The following LRRK2 variants were observed in gnomAD, a reference collection of about 807,000 sequenced individuals.
LRRK2 encodes leucine rich repeat kinase 2.
LRRK2 carries 203 observed loss-of-function variants against 302.6 expected under a neutral mutation model. That is an observed-to-expected ratio of 0.67 (90% CI 0.60 to 0.75). The LOEUF is 0.75. Ranked by LOEUF, LRRK2 falls within the 30% of genes least tolerant of loss-of-function variation. The pLI is 0.00. For synonymous variants in LRRK2, 1,066 were observed against 1,031.9 expected (o/e 1.03, Z -0.63); for missense variants, 2,830 against 2,951.0 (o/e 0.96, Z 0.95).
At chr12:40,283,784 A>T in intron 18 of LRRK2, 91 bp from the exon 19 acceptor site, 1 of 1,110,742 alleles carries the variant, frequency 9.0e-7, no homozygotes, top group Non-Finnish European at 1.3e-6. Context: ...TTGGAGATGT[A>T]GAGAAAAATC....
At chr12:40,363,287 G>C in intron 47 of LRRK2, 115 bp from the exon 48 acceptor site, 1 of 867,222 alleles carries the variant, frequency 1.2e-6, no homozygotes, top group South Asian at 1.6e-5. Context: ...AGTCTAGCTT[G>C]TTTAGTTTTC....
intron 33 of LRRK2, among the ~76,000 whole-genome samples, chr12:40,316,683 A>C (rs1945233382): frequency 6.6e-6 from 1 of 152,068 alleles, no homozygotes; most frequent in Non-Finnish European, 1.5e-5. Flanking sequence ...AATGTTAGCT[A>C]ATTTTATATT....
chr12:40,275,825 G>C (rs1233540095), intron 16 of LRRK2, among the ~76,000 whole-genome samples: 1 of 151,952 alleles, frequency 6.6e-6, no homozygotes, highest in Non-Finnish European at 1.5e-5. Context: ...TTCCCAGGCT[G>C]GTCTCAAACT....
intron 49 of LRRK2, 194 bp downstream of exon 49, chr12:40,365,244 C>A (rs1349799802): frequency 1.4e-5 from 8 of 576,188 alleles, no homozygotes; most frequent in Non-Finnish European, 2.4e-5. Flanking sequence ...TGCTCTCAGT[C>A]CCACAAGAGA....
chr12:40,270,776 T>C (rs1943198235), intron 14 of LRRK2, among the ~76,000 whole-genome samples: 1 of 152,128 alleles, frequency 6.6e-6, no homozygotes, highest in Non-Finnish European at 1.5e-5. Flanking sequence ...TTTTCTTGAG[T>C]TGCATCTTTA....
chr12:40,364,787 A>G (rs1946826133), intron 48 of LRRK2, 55 bp from the exon 49 acceptor site: 8 of 1,261,868 alleles, frequency 6.3e-6, no homozygotes, highest in South Asian at 6.2e-5. Context: ...ATATGTAAAT[A>G]GCATTTATCT....
chr12:40,338,128 C>T (rs908176167), intron 40 of LRRK2, among the ~76,000 whole-genome samples: 4 of 152,038 alleles, frequency 2.6e-5, no homozygotes, highest in African/African-American at 9.6e-5. Context: ...GGAGAGTCAA[C>T]TTTGCTGTCT....
intron 13 of LRRK2, 74 bp downstream of exon 13, chr12:40,259,678 T>A: frequency 6.4e-7 from 1 of 1,567,496 alleles, no homozygotes; most frequent in Non-Finnish European, 8.8e-7. Context: ...AATAGCAATA[T>A]TCTAGGCAAA....
Position 40,257,396 on chromosome 12 carries a change from C to G in LRRK2, c.1418+19C>G, listed in dbSNP as rs946003936. 5 of 1,608,574 alleles carry G rather than the reference C, an allele frequency of 3.1e-6. No individual in the cohort carries two copies. The highest frequency in any genetic ancestry group is 4.3e-6 in the Non-Finnish European group (5 of 1,175,788). On this transcript the variant is annotated intron_variant, in intron 12 of 50. Coordinates refer to ENST00000298910, the MANE Select transcript of LRRK2 (RefSeq NM_198578.4). ...AAGGAAGGTAATATAGATTCATTAA[C>G]TTGTACAGAATATATCATATTGGGC...
At chr12:40,356,036 A>G (rs1461340283) in intron 45 of LRRK2, 79 bp from the exon 46 acceptor site, 5 of 857,532 alleles carry the variant, frequency 5.8e-6, no homozygotes, top group Non-Finnish European at 3.8e-6. Context: ...AAAGTTTAAT[A>G]AAGTGGAGGA....
At chr12:40,302,573 G>A (rs1944671073) in intron 25 of LRRK2, among the ~76,000 whole-genome samples, 1 of 152,058 alleles carries the variant, frequency 6.6e-6, no homozygotes, top group African/African-American at 2.4e-5. Context: ...TTAGCTTCCA[G>A]GTTAAAAGGT....
At chr12:40,290,906 C>A (rs1037495412) in intron 20 of LRRK2, among the ~76,000 whole-genome samples, 1 of 151,950 alleles carries the variant, frequency 6.6e-6, no homozygotes, top group African/African-American at 2.4e-5. Context: ...GTTTTTAGAA[C>A]CTTCTTATTT....
At chr12:40,248,468 G>T (rs1163306829) in intron 7 of LRRK2, among the ~76,000 whole-genome samples, 3 of 152,100 alleles carry the variant, frequency 2.0e-5, no homozygotes, top group Non-Finnish European at 4.4e-5. Flanking sequence ...TTCAGGTAAA[G>T]AATCTTTTTT....
At position 40,249,090 on chromosome 12, in the gene LRRK2, A is replaced by G. The variant is rs148043877; in HGVS notation, c.839-736A>G. Reference sequence around the variant, plus strand: ...TTTGTATCTCAGAGATCACTTAGTTACACTTATAGATGAATAGGAGTTTCA... The same window carrying G: ...TTTGTATCTCAGAGATCACTTAGTTGCACTTATAGATGAATAGGAGTTTCA... On this transcript the variant is annotated intron_variant, in intron 7 of 50. Coordinates refer to ENST00000298910, the MANE Select transcript of LRRK2 (RefSeq NM_198578.4). Among the ~76,000 whole-genome samples the G allele has an allele frequency of 3.7e-3, 568 of 152,288 alleles. 1 individual carries two copies. The highest frequency in any genetic ancestry group is 0.013 in the African/African-American group (548 of 41,556).
intron 3 of LRRK2, among the ~76,000 whole-genome samples, chr12:40,234,122 T>C (rs1225532210): frequency 6.6e-6 from 1 of 152,094 alleles, no homozygotes; most frequent in East Asian, 1.9e-4. Context: ...GCAGGGTGAT[T>C]AGGAGGAAGG....
rs1305069730 is a variant in LRRK2, at chr12:40,291,284, TG to T, written c.2690-2255del. Among the ~76,000 whole-genome samples, 10 of 130,540 alleles carry T rather than the reference TG, an allele frequency of 7.7e-5. No homozygotes were observed. In the South Asian group the frequency reaches 1.7e-3, roughly 22 times the overall value. 85.6% of individuals were successfully genotyped at this position (130,540 alleles called of 152,430 possible). A position where few individuals can be genotyped will look rare whatever the true frequency, so the allele number is the denominator to read the frequency against. On this transcript the variant is annotated intron_variant, in intron 20 of 50. Transcript: ENST00000298910. Reference sequence around the variant, plus strand: ...TCACACACCAGGGCCTGTTGTGGGGTGGGGGGAAGGGGGAGGGATAGCATTA... The same window carrying T: ...TCACACACCAGGGCCTGTTGTGGGGTGGGGGAAGGGGGAGGGATAGCATTA...
At chr12:40,263,084 T>G (rs1942847207) in intron 13 of LRRK2, among the ~76,000 whole-genome samples, 1 of 152,250 alleles carries the variant, frequency 6.6e-6, no homozygotes, top group Non-Finnish European at 1.5e-5. Context: ...TAATGCAGAT[T>G]ATTAAAGTGG....
intron 33 of LRRK2, chr12:40,316,413 T>C (rs1656968807): frequency 1.1e-6 from 1 of 873,702 alleles, no homozygotes; most frequent in Non-Finnish European, 1.4e-6. Context: ...GGTAGGTATT[T>C]TTAAATTAGA....
intron 2 of LRRK2, among the ~76,000 whole-genome samples, chr12:40,226,210 A>G (rs1940872438): frequency 6.6e-6 from 1 of 152,224 alleles, no homozygotes; most frequent in African/African-American, 2.4e-5. Context: ...AAATGCATGT[A>G]GAAGTGAAAC....
Sources: allele counts gnomAD v4.1 joint callset (sites outside exome capture counted in the v4.1 genomes callset), GRCh38; gene constraint gnomAD v4.1.1; transcripts MANE v1.5; gene names NCBI Gene and HGNC (gene_info 2026-07-23, HGNC 2026-07-21).